The following LPP variants were observed in gnomAD, a reference collection of about 807,000 sequenced individuals.
LPP encodes lipoma-preferred partner.
A neutral mutation model predicts 60.4 loss-of-function variants in LPP; 38 were observed. That is an observed-to-expected ratio of 0.63 (90% confidence interval 0.49 to 0.83). The LOEUF (loss-of-function observed/expected upper bound fraction) is 0.83, where lower values mean the gene tolerates loss of function less well. Among genes scored for constraint, LPP ranks in the 40% least tolerant of loss-of-function variants. The pLI, the probability that LPP is intolerant of heterozygous loss-of-function variation, is 0.00. For missense variants in LPP, 902 were observed against 783.6 expected (o/e 1.15, Z -1.80); for synonymous variants, 328 against 290.8 (o/e 1.13, Z -1.30).
intron 4 of LPP, among the ~76,000 whole-genome samples, chr3:188,439,464 C>T (rs577997208): frequency 2.6e-5 from 4 of 152,246 alleles, no homozygotes; most frequent in South Asian, 4.1e-4. Context: ...TTGGTAGTCT[C>T]GAGATAATTG....
intron 7 of LPP, among the ~76,000 whole-genome samples, chr3:188,636,235 C>A (rs1848722476): frequency 6.6e-6 from 1 of 152,212 alleles, no homozygotes. Context: ...GAGGCATTGC[C>A]TCACTCGGGA....
intron 6 of LPP, among the ~76,000 whole-genome samples, chr3:188,600,292 CCTTT>C (rs1028052688): frequency 6.7e-6 from 1 of 148,634 alleles, no homozygotes; most frequent in Non-Finnish European, 1.5e-5. Context: ...TATATTTCTT[CCTTT>C]GAGTGAAAAA....
intron 7 of LPP, among the ~76,000 whole-genome samples, chr3:188,636,723 A>T (rs1005002852): frequency 3.4e-4 from 51 of 151,986 alleles, no homozygotes; most frequent in Admixed American, 2.6e-4. Flanking sequence ...GAATGGGCAG[A>T]CTGCCTCCTC....
At chr3:188,641,051 G>T (rs1850011346) in intron 7 of LPP, among the ~76,000 whole-genome samples, 1 of 152,190 alleles carries the variant, frequency 6.6e-6, no homozygotes, top group African/African-American at 2.4e-5. Context: ...CACAAGGGAG[G>T]AGGGTACATT....
chr3:188,469,418 G>T (rs1801256090), intron 4 of LPP, among the ~76,000 whole-genome samples: 1 of 152,052 alleles, frequency 6.6e-6, no homozygotes, highest in Admixed American at 6.5e-5. Context: ...TACCCTCTTT[G>T]ATTGGTATGT....
At chr3:188,522,421 G>C (rs1819136257) in intron 5 of LPP, among the ~76,000 whole-genome samples, 1 of 152,120 alleles carries the variant, frequency 6.6e-6, no homozygotes, top group Non-Finnish European at 1.5e-5. Context: ...ACTGCTTATT[G>C]TTGTACTTCT....
chr3:188,880,966 TAAA>T lies in LPP; in HGVS notation c.*6500_*6502del, dbSNP rs11293941. The T allele has an allele frequency of 5.5e-4, 81 of 147,672 alleles. No homozygotes were observed. Among genetic ancestry groups the T allele is most frequent in the Middle Eastern group, 6.0e-3 (2 of 336 alleles). 9.1% of individuals were successfully genotyped at this position (147,672 alleles called of 1,614,324 possible). On this transcript the variant is annotated 3_prime_UTR_variant, in exon 12 of 12. Coordinates refer to ENST00000617246, the MANE Select transcript of LPP (RefSeq NM_001375462.1). ...TAACACGGTGAAACCCCGTCTCTAC[TAAA>T]AAAAAAAAAAAATACAAAAAATTAG... is the stretch of plus-strand genomic sequence containing the variant.
intron 4 of LPP, among the ~76,000 whole-genome samples, chr3:188,460,640 G>T (rs1579070583): frequency 9.3e-6 from 1 of 107,984 alleles, no homozygotes; most frequent in Non-Finnish European, 2.2e-5. Flanking sequence ...TGTTTCTGAA[G>T]GTGTATGTAT....
intron 3 of LPP, among the ~76,000 whole-genome samples, chr3:188,379,618 T>A (rs1471037771): frequency 6.6e-6 from 1 of 152,230 alleles, no homozygotes; most frequent in Non-Finnish European, 1.5e-5. Context: ...ATCTACTTTA[T>A]AATCTGTGAA....
intron 8 of LPP, among the ~76,000 whole-genome samples, chr3:188,750,996 G>A (rs572065496): frequency 3.0e-4 from 45 of 152,250 alleles, no homozygotes; most frequent in African/African-American, 9.9e-4. Context: ...GTTAAAATGA[G>A]AGTGATTATA....
At chr3:188,622,536 T>C (rs74325659) in intron 7 of LPP, among the ~76,000 whole-genome samples, 6,558 of 152,260 alleles carry the variant, frequency 0.043, 276 homozygotes, top group African/African-American at 0.11. Flanking sequence ...GTTTTTGTTA[T>C]ACTTGCAATG....
intron 8 of LPP, among the ~76,000 whole-genome samples, chr3:188,753,920 A>T (rs536766203): frequency 6.6e-6 from 1 of 152,314 alleles, no homozygotes; most frequent in Admixed American, 6.5e-5. Flanking sequence ...GCACAGTGAC[A>T]GAACTACATG....
intron 1 of LPP, among the ~76,000 whole-genome samples, chr3:188,172,400 G>T (rs995904964): frequency 6.6e-6 from 1 of 152,152 alleles, no homozygotes; most frequent in African/African-American, 2.4e-5. Flanking sequence ...ATCTTGTTGT[G>T]AGGATTAAAT....
chr3:188,551,623 G>A (rs1335740984), intron 6 of LPP, among the ~76,000 whole-genome samples: 1 of 152,112 alleles, frequency 6.6e-6, no homozygotes, highest in Non-Finnish European at 1.5e-5. Flanking sequence ...TACACTAATA[G>A]AGATTACAGA....
chr3:188,444,833 C>T (rs907298653), intron 4 of LPP, among the ~76,000 whole-genome samples: 7 of 151,840 alleles, frequency 4.6e-5, no homozygotes, highest in Non-Finnish European at 2.9e-5. Flanking sequence ...AGGATATGAA[C>T]AGGCACTTCT....
intron 7 of LPP, among the ~76,000 whole-genome samples, chr3:188,697,511 G>T (rs1863511888): frequency 6.6e-6 from 1 of 152,252 alleles, no homozygotes; most frequent in South Asian, 2.1e-4. Flanking sequence ...ATGCATATCA[G>T]ACTGAAAATC....
Position 188,797,912 on chromosome 3 carries a change from A to C in LPP, c.1410+37630A>C, listed in dbSNP as rs530081647. 7.5e-4 allele frequency among the ~76,000 whole-genome samples: 114 copies of C among 152,328 alleles called. 2 individuals carry two copies. The Middle Eastern group carries it at 0.017, about 23-fold the overall frequency. On this transcript the variant is annotated intron_variant, in intron 9 of 11. Transcript: ENST00000617246. ...TTGAGGTTGAATTAAGCTCACATTGAACTCTATGATGAAACCATTTGCTTA... is the reference window on the plus strand; with the variant it reads ...TTGAGGTTGAATTAAGCTCACATTGCACTCTATGATGAAACCATTTGCTTA...
chr3:188,545,713 G>A (rs78816321), intron 6 of LPP, among the ~76,000 whole-genome samples: 3,387 of 152,190 alleles, frequency 0.022, 127 homozygotes, highest in African/African-American at 0.078. Context: ...CTTTCTTACA[G>A]CATGGTGGAT....
chr3:188,871,901 A>T (rs1768197062), intron 10 of LPP, among the ~76,000 whole-genome samples: 1 of 152,192 alleles, frequency 6.6e-6, no homozygotes, highest in African/African-American at 2.4e-5. Flanking sequence ...TCAAAAACAT[A>T]TGCATATGCA....
Sources: allele counts gnomAD v4.1 joint callset (sites outside exome capture counted in the v4.1 genomes callset), GRCh38; gene constraint gnomAD v4.1.1; transcripts MANE v1.5; gene names NCBI Gene and HGNC (gene_info 2026-07-23, HGNC 2026-07-21).